The following ARHGAP10 variants were observed in gnomAD, a reference collection of about 807,000 sequenced individuals.
The protein encoded by ARHGAP10 is Rho GTPase activating protein 10.
A neutral mutation model predicts 108.6 loss-of-function variants in ARHGAP10; 87 were observed. The observed-to-expected ratio is 0.80, with a 90% CI of 0.67 to 0.96. The LOEUF is 0.96. Ranked by LOEUF, ARHGAP10 falls within the 40% of genes least tolerant of loss-of-function variation. ARHGAP10 has a pLI of 0.00. For missense variants in ARHGAP10, 939 were observed against 954.5 expected, an observed-to-expected ratio of 0.98 and a Z score of 0.21; for synonymous variants, 347 against 341.1, an observed-to-expected ratio of 1.02 and a Z score of -0.19.
At chr4:147,895,793 A>G (rs1434448981) in intron 10 of ARHGAP10, among the ~76,000 whole-genome samples, 3 of 152,076 alleles carry the variant, frequency 2.0e-5, no homozygotes, top group Non-Finnish European at 4.4e-5. Context: ...AACGTTTGGC[A>G]GAAGTGGTGT....
At chr4:147,808,426 C>G (rs564989417) in intron 1 of ARHGAP10, among the ~76,000 whole-genome samples, 9 of 151,894 alleles carry the variant, frequency 5.9e-5, no homozygotes, top group Non-Finnish European at 1.0e-4. Context: ...TCAGATCATG[C>G]AGGGTCTTTC....
intron 13 of ARHGAP10, among the ~76,000 whole-genome samples, chr4:147,930,482 A>G (rs1737634713): frequency 6.6e-6 from 1 of 152,226 alleles, no homozygotes; most frequent in Non-Finnish European, 1.5e-5. Context: ...AAGATAAGAA[A>G]GAACTTCTTG....
chr4:147,844,818 G>T (rs909729562), intron 3 of ARHGAP10, among the ~76,000 whole-genome samples: 3 of 152,084 alleles, frequency 2.0e-5, no homozygotes, highest in African/African-American at 4.8e-5. Context: ...GCCTCCTAAC[G>T]AGTCTGTCTT....
intron 1 of ARHGAP10, among the ~76,000 whole-genome samples, chr4:147,756,234 A>G (rs1282057974): frequency 6.6e-6 from 1 of 152,010 alleles, no homozygotes; most frequent in Non-Finnish European, 1.5e-5. Context: ...CGCAGTTCTT[A>G]ATTGCTCTCC....
At chr4:147,942,242 A>G (rs1453071895) in intron 14 of ARHGAP10, among the ~76,000 whole-genome samples, 1 of 152,198 alleles carries the variant, frequency 6.6e-6, no homozygotes, top group African/African-American at 2.4e-5. Context: ...CTTTGTAGAA[A>G]TGGGAAATAA....
chr4:147,821,849 A>G (rs1207209362), intron 1 of ARHGAP10, among the ~76,000 whole-genome samples: 1 of 152,264 alleles, frequency 6.6e-6, no homozygotes, highest in African/African-American at 2.4e-5. Context: ...GCAGGATTGT[A>G]TACTGCTCAG....
intron 19 of ARHGAP10, among the ~76,000 whole-genome samples, chr4:148,029,857 A>G (rs1056426879): frequency 6.6e-6 from 1 of 152,136 alleles, no homozygotes; most frequent in African/African-American, 2.4e-5. Flanking sequence ...ACTCACTTTT[A>G]CAATGATGAG....
chr4:147,740,458 C>A (rs1387509464), intron 1 of ARHGAP10, among the ~76,000 whole-genome samples: 1 of 152,132 alleles, frequency 6.6e-6, no homozygotes, highest in Non-Finnish European at 1.5e-5. Flanking sequence ...GATAATCGAT[C>A]TTGATTATCT....
intron 1 of ARHGAP10, among the ~76,000 whole-genome samples, chr4:147,803,923 T>C (rs1579065306): frequency 6.6e-6 from 1 of 152,190 alleles, no homozygotes; most frequent in Non-Finnish European, 1.5e-5. Flanking sequence ...CCCTTTGATA[T>C]GCTGATTTTC....
At position 147,942,058 on chromosome 4, in the gene ARHGAP10, T is replaced by A. The variant is rs1310811660; in HGVS notation, c.1303+2159T>A. The stretch of plus-strand genomic sequence containing the variant: ...TTTTTTTCTCCAACTTTTCCCATTT[T>A]GCTCATTGTTAGAGGGTTACATGTA... On this transcript the variant is annotated intron_variant, in intron 14 of 22. Transcript: ENST00000336498. Among the ~76,000 whole-genome samples the A allele has an allele frequency of 6.6e-5, 10 of 152,328 alleles. No homozygotes were observed. In the East Asian group the frequency reaches 1.9e-3, roughly 29 times the overall value.
intron 18 of ARHGAP10, among the ~76,000 whole-genome samples, chr4:148,010,910 C>G (rs982823946): frequency 9.2e-5 from 14 of 152,186 alleles, no homozygotes; most frequent in African/African-American, 3.4e-4. Context: ...TGCCCCAATC[C>G]AGGATCATAC....
intron 12 of ARHGAP10, among the ~76,000 whole-genome samples, chr4:147,911,569 A>G (rs186800432): frequency 0.035 from 5,387 of 152,202 alleles, 282 homozygotes; most frequent in African/African-American, 0.11. Flanking sequence ...TCACCGTGTT[A>G]GCCAGGATGG....
At chr4:147,955,181 T>C (rs375011153) in intron 15 of ARHGAP10, 135 bp from the exon 16 acceptor site, 2 of 779,764 alleles carry the variant, frequency 2.6e-6, no homozygotes, top group African/African-American at 1.7e-5. Context: ...TTTTTTGATA[T>C]GTAAAGGTAT....
chr4:147,817,922 T>C (rs978439226), intron 1 of ARHGAP10, among the ~76,000 whole-genome samples: 1 of 152,228 alleles, frequency 6.6e-6, no homozygotes, highest in African/African-American at 2.4e-5. Context: ...AATTCTGCAC[T>C]AGAGTCATTT....
chr4:147,819,252 A>G (rs1328581339), intron 1 of ARHGAP10, among the ~76,000 whole-genome samples: 3 of 152,226 alleles, frequency 2.0e-5, no homozygotes, highest in African/African-American at 4.8e-5. Flanking sequence ...TAAAATAATG[A>G]AACAGCTCCA....
chr4:147,846,560 T>C (rs1047157307), intron 3 of ARHGAP10, among the ~76,000 whole-genome samples: 15 of 152,174 alleles, frequency 9.9e-5, no homozygotes, highest in South Asian at 2.1e-4. Flanking sequence ...GGCTGGAGTT[T>C]GTGTGTGTGG....
intron 18 of ARHGAP10, among the ~76,000 whole-genome samples, chr4:147,993,967 C>CAA (rs1242381875): frequency 6.6e-6 from 1 of 152,218 alleles, no homozygotes; most frequent in Non-Finnish European, 1.5e-5. Context: ...ATTGATGTAT[C>CAA]TGCAGTTTAC....
At chr4:147,861,630 A>AGT (rs991428641) in intron 5 of ARHGAP10, 1 of 152,320 alleles carries the variant, frequency 6.6e-6, no homozygotes, top group African/African-American at 2.4e-5. Context: ...GGAGACCTGA[A>AGT]GTGAGTAGCC....
chr4:147,843,651 C>T (rs377219337), intron 3 of ARHGAP10, among the ~76,000 whole-genome samples: 40 of 152,274 alleles, frequency 2.6e-4, no homozygotes, highest in Middle Eastern at 3.4e-3. Flanking sequence ...CTCAGCCTCC[C>T]GAGTAGCTGG....
Sources: gnomAD v4.1 joint callset for allele counts (sites outside exome capture counted in the v4.1 genomes callset) on GRCh38, gnomAD v4.1.1 for gene constraint, MANE v1.5 for transcripts, NCBI Gene and HGNC (gene_info 2026-07-23, HGNC 2026-07-21) for gene names.